The following FSTL4 variants were observed in gnomAD, a reference collection of about 807,000 sequenced individuals.
FSTL4 encodes the protein follistatin like 4, also known as follistatin-related protein 4.
Under a neutral mutation model 78.2 loss-of-function variants are expected in FSTL4, and 28 were observed. That is an observed-to-expected ratio of 0.36 (90% CI 0.27 to 0.49). The LOEUF (loss-of-function observed/expected upper bound fraction) is 0.49. Among genes scored for constraint, FSTL4 ranks in the 20% least tolerant of loss-of-function variants. The pLI, the probability that FSTL4 is intolerant of heterozygous loss-of-function variation, is 0.98. For missense variants in FSTL4, 922 were observed against 1,084.9 expected, an observed-to-expected ratio of 0.85 and a Z score of 2.11; for synonymous variants, 422 against 440.5, an observed-to-expected ratio of 0.96 and a Z score of 0.53.
chr5:133,602,964 A>T (rs1760904218), intron 2 of FSTL4, among the ~76,000 whole-genome samples: 1 of 152,142 alleles, frequency 6.6e-6, no homozygotes, highest in Non-Finnish European at 1.5e-5. Flanking sequence ...TTTATTTCTC[A>T]TTCCGCAGGA....
intron 4 of FSTL4, among the ~76,000 whole-genome samples, chr5:133,385,832 G>T (rs781583979): frequency 1.3e-5 from 2 of 152,170 alleles, no homozygotes; most frequent in Non-Finnish European, 2.9e-5. Flanking sequence ...TAACAACACG[G>T]GCACATGTCA....
Position 133,574,383 on chromosome 5 carries a change from A to G in FSTL4, c.127-7164T>C, listed in dbSNP as rs370280019. 5.3e-5 allele frequency among the ~76,000 whole-genome samples: 8 copies of G among 152,220 alleles called. No individual in the cohort carries two copies. The East Asian group carries it at 5.8e-4, about 11-fold the overall frequency. On this transcript the variant is annotated intron_variant, in intron 2 of 15. Transcript: ENST00000265342. ...AACCAGCACCAGCAAAACTTTCCTC[A>G]TTGGTCTGAGTCCCAGTATGGAGAG...
At chr5:133,710,108 A>G in the FSTL4 span, among the ~76,000 whole-genome samples, 1 of 152,206 alleles carries the variant, frequency 6.6e-6, no homozygotes, top group Non-Finnish European at 1.5e-5. Context: ...GGGTCAGCCC[A>G]CTGCACGGGA....
At chr5:133,657,532 T>C in the FSTL4 span, among the ~76,000 whole-genome samples, 1 of 152,216 alleles carries the variant, frequency 6.6e-6, no homozygotes, top group Non-Finnish European at 1.5e-5. Flanking sequence ...AGTTTTGTTA[T>C]TTTATTATTT....
intron 3 of FSTL4, among the ~76,000 whole-genome samples, chr5:133,482,619 C>T (rs577845554): frequency 2.4e-4 from 37 of 152,330 alleles, no homozygotes; most frequent in South Asian, 6.2e-4. Context: ...CAGAAACAGA[C>T]GCCAGGGGCC....
At chr5:133,749,780 G>T in the FSTL4 span, among the ~76,000 whole-genome samples, 2 of 152,204 alleles carry the variant, frequency 1.3e-5, no homozygotes, top group East Asian at 3.9e-4. Flanking sequence ...TCTCAGTCCT[G>T]TTGTGAGGTG....
At chr5:133,701,466 G>GAA in the FSTL4 span, among the ~76,000 whole-genome samples, 2 of 64,382 alleles carry the variant, frequency 3.1e-5, no homozygotes, top group African/African-American at 1.3e-4. Flanking sequence ...GAAAGACACA[G>GAA]AAACACACAC....
At chr5:133,678,436 G>A in the FSTL4 span, among the ~76,000 whole-genome samples, 1 of 152,098 alleles carries the variant, frequency 6.6e-6, no homozygotes, top group South Asian at 2.1e-4. Flanking sequence ...GCTTGGAGGT[G>A]GAGTATAATA....
In FSTL4 at chr5:133,208,113, C is replaced by T. The variant is rs147375607; in HGVS notation, c.1716+2078G>A. On this transcript the variant is annotated intron_variant, in intron 14 of 15. Transcript: ENST00000265342. ...ACTTTTAATTTTAGATCTTCCTCTCCTGGTTCATTACTTGCCACTATCTCT... is the reference window on the plus strand; with the variant it reads ...ACTTTTAATTTTAGATCTTCCTCTCTTGGTTCATTACTTGCCACTATCTCT... 2.0e-5 allele frequency among the ~76,000 whole-genome samples: 3 copies of T among 152,282 alleles called. No individual in the cohort carries two copies. In the East Asian group the frequency reaches 5.8e-4, roughly 29 times the overall value.
At chr5:133,473,717 C>A (rs1331042889) in intron 3 of FSTL4, among the ~76,000 whole-genome samples, 1 of 152,140 alleles carries the variant, frequency 6.6e-6, no homozygotes, top group Non-Finnish European at 1.5e-5. Context: ...GGGTAATTTA[C>A]AGAGGAAAGA....
intron 13 of FSTL4, among the ~76,000 whole-genome samples, chr5:133,215,167 G>C (rs1359890571): frequency 6.6e-6 from 1 of 152,090 alleles, no homozygotes; most frequent in Non-Finnish European, 1.5e-5. Flanking sequence ...TCTTCTTTTA[G>C]CTTCAAGAAT....
the FSTL4 span, among the ~76,000 whole-genome samples, chr5:133,786,409 A>G: frequency 0.011 from 1,615 of 152,302 alleles, 32 homozygotes; most frequent in African/African-American, 0.037. Flanking sequence ...GATCTAATTT[A>G]TCTACCTCCT....
At chr5:133,269,151 C>G (rs901396994) in intron 6 of FSTL4, among the ~76,000 whole-genome samples, 3 of 146,294 alleles carry the variant, frequency 2.1e-5, no homozygotes, top group Non-Finnish European at 4.5e-5. Context: ...CACTGCACCA[C>G]TCCAGCCTGG....
At chr5:133,317,654 T>C in intron 4 of FSTL4, among the ~76,000 whole-genome samples, 1 of 152,264 alleles carries the variant, frequency 6.6e-6, no homozygotes, top group Non-Finnish European at 1.5e-5. Flanking sequence ...GCATGAGCTC[T>C]GAGGTCCCCT....
At chr5:133,373,079 C>A (rs1475368441) in intron 4 of FSTL4, among the ~76,000 whole-genome samples, 1 of 152,168 alleles carries the variant, frequency 6.6e-6, no homozygotes, top group Non-Finnish European at 1.5e-5. Context: ...GAGAGAGGAT[C>A]TCTCTCTGCC....
Position 133,400,790 on chromosome 5 carries a change from G to A in FSTL4, c.357C>T (p.Cys119=), listed in dbSNP as rs1321202521. ...TGACGGTGATCCTCTTTCCCAGGAG[G>A]CAAGCAGCACGGTGGAGCTTACAGT... The part of the protein sequence containing the change: ...ENHCKLHRAA[C]LLGKRITVIH... Residue 119 remains cysteine (C), a synonymous_variant, in exon 4 of 16, where the codon TGC becomes TGT. Transcript: ENST00000265342. The A allele has an allele frequency of 6.2e-7, 1 of 1,614,058 alleles. No homozygotes were observed. Among genetic ancestry groups the A allele is most frequent in the Non-Finnish European group, 8.5e-7 (1 of 1,179,970 alleles).
chr5:133,350,546 C>A (rs1459605757), intron 4 of FSTL4, among the ~76,000 whole-genome samples: 2 of 152,252 alleles, frequency 1.3e-5, no homozygotes, highest in African/African-American at 4.8e-5. Flanking sequence ...TTCTTTCCTA[C>A]AATCAAAAGC....
intron 6 of FSTL4, among the ~76,000 whole-genome samples, chr5:133,271,795 C>T (rs1172963493): frequency 1.3e-5 from 2 of 152,180 alleles, no homozygotes; most frequent in Non-Finnish European, 2.9e-5. Context: ...TGGGTTATCT[C>T]TGAGCAGGCG....
At chr5:133,817,598 C>G in the FSTL4 span, among the ~76,000 whole-genome samples, 1 of 152,110 alleles carries the variant, frequency 6.6e-6, no homozygotes, top group Non-Finnish European at 1.5e-5. Flanking sequence ...CACAGCTGCC[C>G]CTGCCTCGGA....
Sources: gnomAD v4.1 joint callset for allele counts (sites outside exome capture counted in the v4.1 genomes callset) on GRCh38, gnomAD v4.1.1 for gene constraint, MANE v1.5 for transcripts, NCBI Gene and HGNC (gene_info 2026-07-23, HGNC 2026-07-21) for gene names.